Variants in SLC6A11 observed in about 807,000 individuals in gnomAD.
The protein encoded by SLC6A11 is solute carrier family 6 member 11.
Under a neutral mutation model 74.8 loss-of-function variants are expected in SLC6A11, and 25 were observed. The ratio of observed to expected loss-of-function variants is 0.33; its 90% CI spans 0.24 to 0.47. The LOEUF (loss-of-function observed/expected upper bound fraction) is 0.47. Among genes scored for constraint, SLC6A11 ranks in the 20% least tolerant of loss-of-function variants. The probability of loss-of-function intolerance (pLI) is 1.00; values close to 1 mark genes in which losing one functional copy is unlikely to be tolerated. For missense variants in SLC6A11, 574 were observed against 837.0 expected (o/e 0.69, Z 3.88); for synonymous variants, 330 against 330.2 (o/e 1.00, Z 0.01).
intron 6 of SLC6A11, among the ~76,000 whole-genome samples, chr3:10,905,944 G>A (rs1484142248): frequency 6.6e-6 from 1 of 152,208 alleles, no homozygotes; most frequent in African/African-American, 2.4e-5. Context: ...GAGATGTTAA[G>A]TTACTGCTAA....
In SLC6A11 at chr3:10,878,241, C is replaced by G. The variant is rs139505373; in HGVS notation, c.891+3146C>G. 3.7e-4 allele frequency among the ~76,000 whole-genome samples: 56 copies of G among 152,268 alleles called. 1 individual carries two copies. The highest frequency in any genetic ancestry group is 5.4e-4 in the Non-Finnish European group (37 of 68,024). ...GGCTGCGTCCCCTACTACTCTCCCC[C>G]TCTTTCAGCTCATTCCAGGTATTGA... On this transcript the variant is annotated intron_variant, in intron 6 of 13. Transcript: ENST00000254488.
chr3:10,936,711 A>C (rs938673623), intron 13 of SLC6A11, among the ~76,000 whole-genome samples: 2 of 152,226 alleles, frequency 1.3e-5, no homozygotes, highest in African/African-American at 4.8e-5. Flanking sequence ...AAACATGTCC[A>C]GAGGGAAGCT....
intron 5 of SLC6A11, among the ~76,000 whole-genome samples, chr3:10,868,281 A>G (rs1484326463): frequency 6.6e-6 from 1 of 152,146 alleles, no homozygotes; most frequent in Non-Finnish European, 1.5e-5. Flanking sequence ...TGGCTTTCCA[A>G]TTGACTCCAT....
At chr3:10,852,805 C>A (rs1043097903) in intron 5 of SLC6A11, among the ~76,000 whole-genome samples, 2 of 152,202 alleles carry the variant, frequency 1.3e-5, no homozygotes, top group African/African-American at 4.8e-5. Flanking sequence ...GAAAACTAAG[C>A]CAGAAACGAG....
chr3:10,909,927 A>G (rs923670333), intron 6 of SLC6A11, among the ~76,000 whole-genome samples: 4 of 152,184 alleles, frequency 2.6e-5, no homozygotes, highest in African/African-American at 9.7e-5. Flanking sequence ...ACCATTTCCA[A>G]AAACCTCCCC....
intron 6 of SLC6A11, among the ~76,000 whole-genome samples, chr3:10,900,996 G>A (rs116315894): frequency 1.7e-3 from 255 of 152,262 alleles, no homozygotes; most frequent in African/African-American, 5.9e-3. Flanking sequence ...AGAGAGTGGG[G>A]GCTGGTGGGT....
In SLC6A11 at chr3:10,829,096, A is replaced by T. The variant is rs35626500; in HGVS notation, c.623+5704A>T. 9.8e-3 allele frequency among the ~76,000 whole-genome samples: 1,490 copies of T among 152,340 alleles called. 18 individuals carry two copies. Among genetic ancestry groups the T allele is most frequent in the Non-Finnish European group, 0.013 (893 of 68,024 alleles). ...AAGGCTGAGAAGAGAATTGAATAAG[A>T]CTTCTCCTGTAGGAAGCCCAGCCCA... On this transcript the variant is annotated intron_variant, in intron 4 of 13. Transcript: ENST00000254488.
chr3:10,817,991 ATTG>A (rs1694085761), intron 1 of SLC6A11, among the ~76,000 whole-genome samples: 1 of 152,132 alleles, frequency 6.6e-6, no homozygotes, highest in South Asian at 2.1e-4. Context: ...CATACAGGAA[ATTG>A]TTGTGCCAAA....
At chr3:10,897,945 T>C (rs571745350) in intron 6 of SLC6A11, among the ~76,000 whole-genome samples, 7 of 152,308 alleles carry the variant, frequency 4.6e-5, no homozygotes, top group African/African-American at 1.4e-4. Context: ...TAGGCAGAGG[T>C]TCCCAAACCC....
At chr3:10,909,881 C>A (rs546334598) in intron 6 of SLC6A11, among the ~76,000 whole-genome samples, 1 of 152,176 alleles carries the variant, frequency 6.6e-6, no homozygotes, top group Non-Finnish European at 1.5e-5. Flanking sequence ...CTCCACTGGA[C>A]CTTTCCTACC....
intron 6 of SLC6A11, among the ~76,000 whole-genome samples, chr3:10,909,447 T>C (rs1212933022): frequency 6.6e-6 from 1 of 152,220 alleles, no homozygotes; most frequent in Non-Finnish European, 1.5e-5. Flanking sequence ...AAAGCTTTCT[T>C]TGGTGTTTTC....
intron 13 of SLC6A11, among the ~76,000 whole-genome samples, chr3:10,937,615 A>C (rs1012383117): frequency 1.3e-5 from 2 of 152,236 alleles, no homozygotes; most frequent in South Asian, 4.1e-4. Context: ...AGGCAGGGCC[A>C]CATCTGGCCT....
At chr3:10,884,163 G>A (rs1048494838) in intron 6 of SLC6A11, among the ~76,000 whole-genome samples, 4 of 152,184 alleles carry the variant, frequency 2.6e-5, no homozygotes, top group Admixed American at 6.5e-5. Context: ...CTTAAAGGTA[G>A]TGGATGTTTA....
chr3:10,899,295 T>C (rs767301838), intron 6 of SLC6A11, among the ~76,000 whole-genome samples: 15 of 152,316 alleles, frequency 9.8e-5, no homozygotes, highest in Non-Finnish European at 2.1e-4. Flanking sequence ...ACTCTTCCAC[T>C]GTTGACTGTG....
chr3:10,876,969 C>T (rs1694916412), intron 6 of SLC6A11, among the ~76,000 whole-genome samples: 2 of 152,074 alleles, frequency 1.3e-5, no homozygotes, highest in African/African-American at 4.8e-5. Context: ...GGACAAGTTC[C>T]TTCTCCCTTC....
chr3:10,925,724 C>T (rs1695595721), intron 8 of SLC6A11, among the ~76,000 whole-genome samples: 1 of 152,188 alleles, frequency 6.6e-6, no homozygotes, highest in Non-Finnish European at 1.5e-5. Context: ...ACAGTAGAGA[C>T]ATGTCCAGAG....
At chr3:10,916,540 G>A (rs916428630) in intron 7 of SLC6A11, among the ~76,000 whole-genome samples, 11 of 152,166 alleles carry the variant, frequency 7.2e-5, no homozygotes, top group African/African-American at 2.7e-4. Context: ...CCAGGCCGAA[G>A]GGGTAGCAGC....
At chr3:10,873,633 T>TCCTGC (rs1227495385) in intron 5 of SLC6A11, among the ~76,000 whole-genome samples, 1 of 145,546 alleles carries the variant, frequency 6.9e-6, no homozygotes, top group African/African-American at 2.6e-5. Context: ...TCCTATCCTG[T>TCCTGC]CCTGTCCTGT....
Position 10,939,368 on chromosome 3 carries a change from G to C in SLC6A11, c.*966G>C, listed in dbSNP as rs1224098591. On this transcript the variant is annotated 3_prime_UTR_variant, in exon 14 of 14. Coordinates refer to ENST00000254488, the MANE Select transcript of SLC6A11 (RefSeq NM_014229.3). Reference sequence around the variant, plus strand: ...GTCAGCTGCTCTTAGCGCCGGCTCTGCCTCTCCACCCTTGGCAGGGCTGGC... The same window carrying C: ...GTCAGCTGCTCTTAGCGCCGGCTCTCCCTCTCCACCCTTGGCAGGGCTGGC... 6.6e-6 allele frequency: 1 copy of C among 152,122 alleles called. No individual in the cohort carries two copies. Among genetic ancestry groups the C allele is most frequent in the Non-Finnish European group, 1.5e-5 (1 of 68,092 alleles). The allele number at this position is 152,122 out of a possible 1,614,324, so 9.4% of individuals were successfully genotyped here.
Sources: allele counts gnomAD v4.1 joint callset (sites outside exome capture counted in the v4.1 genomes callset), GRCh38; gene constraint gnomAD v4.1.1; transcripts MANE v1.5; gene names NCBI Gene and HGNC (gene_info 2026-07-23, HGNC 2026-07-21).